Variants in PPP3CA observed in about 807,000 individuals in gnomAD.
PPP3CA encodes CAM-PRP catalytic subunit.
PPP3CA carries 14 observed loss-of-function variants against 66.5 expected under a neutral mutation model. The ratio of observed to expected loss-of-function variants is 0.21; its 90% CI spans 0.14 to 0.33. The LOEUF (loss-of-function observed/expected upper bound fraction) is 0.33, where lower values mean the gene tolerates loss of function less well. Among genes scored for constraint, PPP3CA ranks in the 10% least tolerant of loss-of-function variants. The pLI is 1.00. For missense variants in PPP3CA, 317 were observed against 639.5 expected (o/e 0.50, Z 5.44); for synonymous variants, 232 against 226.2 (o/e 1.03, Z -0.23).
rs537375218 is a variant in PPP3CA, at chr4:101,345,425, T to C, written c.58+1314A>G. 1.2e-4 allele frequency among the ~76,000 whole-genome samples: 18 copies of C among 152,348 alleles called. No individual in the cohort carries two copies. In the East Asian group the frequency reaches 3.5e-3, roughly 29 times the overall value. On this transcript the variant is annotated intron_variant, in intron 1 of 13. Coordinates refer to ENST00000394854, the MANE Select transcript of PPP3CA (RefSeq NM_000944.5). ...CAAACGACTTGATTGCCTTGCACTC[T>C]AGTTGCATGCTCTGGCCACATTAGA...
chr4:101,119,164 C>T (rs1305798523), intron 2 of PPP3CA, among the ~76,000 whole-genome samples: 2 of 151,894 alleles, frequency 1.3e-5, no homozygotes, highest in Non-Finnish European at 2.9e-5. Flanking sequence ...GAGTAAACTA[C>T]ACAAAAAGTT....
intron 8 of PPP3CA, among the ~76,000 whole-genome samples, chr4:101,079,532 C>G (rs1188895597): frequency 6.6e-6 from 1 of 152,110 alleles, no homozygotes; most frequent in Non-Finnish European, 1.5e-5. Flanking sequence ...GCACTCGCCA[C>G]CACGGCCAGC....
chr4:101,298,452 C>T (rs1438575745), intron 1 of PPP3CA, among the ~76,000 whole-genome samples: 1 of 151,668 alleles, frequency 6.6e-6, no homozygotes, highest in Non-Finnish European at 1.5e-5. Context: ...GTATGCATGC[C>T]TCCCCTGCCA....
chr4:101,095,721 G>A (rs1269003806), intron 5 of PPP3CA, among the ~76,000 whole-genome samples: 2 of 152,048 alleles, frequency 1.3e-5, no homozygotes, highest in East Asian at 1.9e-4. Flanking sequence ...GCACGATCTC[G>A]GCTCACAGCA....
intron 1 of PPP3CA, among the ~76,000 whole-genome samples, chr4:101,234,138 T>C (rs936610703): frequency 1.3e-5 from 2 of 151,850 alleles, no homozygotes; most frequent in Non-Finnish European, 2.9e-5. Flanking sequence ...TTATCCAATC[T>C]GCCACTGATA....
intron 8 of PPP3CA, among the ~76,000 whole-genome samples, chr4:101,079,444 G>A (rs1180405611): frequency 1.3e-5 from 2 of 149,988 alleles, no homozygotes; most frequent in South Asian, 2.1e-4. Context: ...AGTGGTGCGA[G>A]CTCGGCTCAC....
At chr4:101,342,066 G>A (rs545624423) in intron 1 of PPP3CA, among the ~76,000 whole-genome samples, 90 of 151,632 alleles carry the variant, frequency 5.9e-4, no homozygotes, top group Admixed American at 9.9e-4. Context: ...ATAAATGAAT[G>A]GTCTATCAAA....
chr4:101,196,403 A>G (rs1322916920), intron 1 of PPP3CA, among the ~76,000 whole-genome samples: 1 of 152,204 alleles, frequency 6.6e-6, no homozygotes, highest in African/African-American at 2.4e-5. Flanking sequence ...AAGGAATGAA[A>G]AGCAGTTTTC....
chr4:101,191,311 G>A (rs533629903), intron 2 of PPP3CA, among the ~76,000 whole-genome samples: 42 of 152,276 alleles, frequency 2.8e-4, no homozygotes, highest in Admixed American at 1.7e-3. Context: ...TGTAAAAAGC[G>A]TTTCCAAGAA....
At position 101,296,110 on chromosome 4, in the gene PPP3CA, T is replaced by C. The variant is rs146604026; in HGVS notation, c.58+50629A>G. Among the ~76,000 whole-genome samples, 10 of 152,316 alleles carry C rather than the reference T, an allele frequency of 6.6e-5. 1 individual carries two copies. Among genetic ancestry groups the C allele is most frequent in the African/African-American group, 1.7e-4 (7 of 41,578 alleles). On this transcript the variant is annotated intron_variant, in intron 1 of 13. Transcript: ENST00000394854. ...GACTGTTTAACCTTAGAATTATATA[T>C]ATGCATTTTAAACATGTTCCTAAAT... is the stretch of plus-strand genomic sequence containing the variant.
intron 13 of PPP3CA, among the ~76,000 whole-genome samples, chr4:101,028,091 C>T (rs1191659984): frequency 6.6e-6 from 1 of 152,034 alleles, no homozygotes; most frequent in African/African-American, 2.4e-5. Flanking sequence ...CTATTGTTTC[C>T]CCTACCATAT....
intron 2 of PPP3CA, among the ~76,000 whole-genome samples, chr4:101,152,304 T>G (rs985606907): frequency 6.6e-6 from 1 of 152,198 alleles, no homozygotes; most frequent in African/African-American, 2.4e-5. Flanking sequence ...TAAATCCTTA[T>G]GAAACTTGAT....
intron 2 of PPP3CA, among the ~76,000 whole-genome samples, chr4:101,141,268 G>A (rs771891673): frequency 6.6e-6 from 1 of 152,114 alleles, no homozygotes; most frequent in Non-Finnish European, 1.5e-5. Flanking sequence ...TACTTGACAC[G>A]CTGAGGCAGG....
chr4:101,191,475 G>A (rs1724600524), intron 2 of PPP3CA, among the ~76,000 whole-genome samples: 1 of 152,174 alleles, frequency 6.6e-6, no homozygotes, highest in African/African-American at 2.4e-5. Flanking sequence ...GGACTGAAAT[G>A]TGCTGACTTG....
At chr4:101,173,262 G>C (rs566175469) in intron 2 of PPP3CA, among the ~76,000 whole-genome samples, 28 of 152,220 alleles carry the variant, frequency 1.8e-4, no homozygotes, top group Non-Finnish European at 3.4e-4. Context: ...TTTCAATGAG[G>C]AATAGATGGA....
intron 6 of PPP3CA, among the ~76,000 whole-genome samples, chr4:101,089,613 G>C (rs1349650654): frequency 6.6e-6 from 1 of 152,212 alleles, no homozygotes; most frequent in African/African-American, 2.4e-5. Flanking sequence ...CAGAAATACA[G>C]ATTGATAACC....
intron 1 of PPP3CA, among the ~76,000 whole-genome samples, chr4:101,268,912 C>T (rs1393111976): frequency 6.6e-6 from 1 of 152,100 alleles, no homozygotes; most frequent in African/African-American, 2.4e-5. Context: ...TCTCATGGGA[C>T]GTCCTGCTAA....
At chr4:101,236,966 A>C (rs1413081950) in intron 1 of PPP3CA, among the ~76,000 whole-genome samples, 1 of 151,180 alleles carries the variant, frequency 6.6e-6, no homozygotes, top group Non-Finnish European at 1.5e-5. Context: ...TCTCATAGAG[A>C]TATTATGAAG....
chr4:101,205,063 T>G (rs1725089382), intron 1 of PPP3CA, among the ~76,000 whole-genome samples: 1 of 151,758 alleles, frequency 6.6e-6, no homozygotes, highest in Non-Finnish European at 1.5e-5. Flanking sequence ...CATGAAATCC[T>G]CCTCACTGGG....
Sources: gnomAD v4.1 joint callset for allele counts (sites outside exome capture counted in the v4.1 genomes callset) on GRCh38, gnomAD v4.1.1 for gene constraint, MANE v1.5 for transcripts, NCBI Gene and HGNC (gene_info 2026-07-23, HGNC 2026-07-21) for gene names.